ROR1: variants seen among roughly 807,000 people sequenced by gnomAD.
ROR1 encodes inactive tyrosine-protein kinase transmembrane receptor ROR1.
A neutral mutation model predicts 78.8 loss-of-function variants in ROR1; 19 were observed. The observed-to-expected ratio is 0.24, with a 90% CI of 0.17 to 0.35. The LOEUF is 0.35. ROR1 is among the 10% of genes least tolerant of loss of function. ROR1 has a pLI of 1.00. For missense variants in ROR1, 917 were observed against 1,177.8 expected (o/e 0.78, Z 3.24); for synonymous variants, 386 against 433.6 (o/e 0.89, Z 1.36).
intron 8 of ROR1, among the ~76,000 whole-genome samples, chr1:64,163,293 C>T (rs1300749452): frequency 6.6e-6 from 1 of 150,848 alleles, no homozygotes; most frequent in Non-Finnish European, 1.5e-5. Context: ...TGGTGCATCT[C>T]TATACTCAGA....
At chr1:64,152,608 C>T (rs905304337) in intron 7 of ROR1, among the ~76,000 whole-genome samples, 1 of 152,100 alleles carries the variant, frequency 6.6e-6, no homozygotes, top group East Asian at 1.9e-4. Context: ...GTAGATTTGT[C>T]TAATCATGGA....
chr1:63,868,328 C>A (rs570027464), intron 1 of ROR1, among the ~76,000 whole-genome samples: 18 of 152,044 alleles, frequency 1.2e-4, no homozygotes, highest in African/African-American at 4.3e-4. Context: ...AATGAGTGTG[C>A]GATGACTCAG....
chr1:63,983,731 T>C (rs1292102537), intron 1 of ROR1, among the ~76,000 whole-genome samples: 3 of 152,136 alleles, frequency 2.0e-5, no homozygotes, highest in Non-Finnish European at 4.4e-5. Context: ...CCTCATTCTT[T>C]AATATTGCGG....
chr1:63,855,463 C>T (rs1005029427), intron 1 of ROR1, among the ~76,000 whole-genome samples: 1 of 152,150 alleles, frequency 6.6e-6, no homozygotes, highest in Non-Finnish European at 1.5e-5. Context: ...AGTTGTTCCT[C>T]AACTCACTGA....
At chr1:63,956,438 A>G (rs1229265335) in intron 1 of ROR1, among the ~76,000 whole-genome samples, 1 of 152,190 alleles carries the variant, frequency 6.6e-6, no homozygotes, top group African/African-American at 2.4e-5. Flanking sequence ...GCTAACTCGT[A>G]GGGTCATTGA....
At chr1:63,881,426 A>G (rs999580321) in intron 1 of ROR1, among the ~76,000 whole-genome samples, 4 of 152,266 alleles carry the variant, frequency 2.6e-5, no homozygotes, top group African/African-American at 9.6e-5. Context: ...CCCGGCCACT[A>G]AGGCCCTGCA....
intron 1 of ROR1, among the ~76,000 whole-genome samples, chr1:63,901,104 C>T (rs1251868770): frequency 1.3e-5 from 2 of 152,098 alleles, no homozygotes; most frequent in African/African-American, 4.8e-5. Context: ...TTTCTGTCTC[C>T]CGGGACCTGG....
At chr1:64,071,262 T>C (rs1338990002) in intron 4 of ROR1, among the ~76,000 whole-genome samples, 3 of 152,052 alleles carry the variant, frequency 2.0e-5, no homozygotes, top group African/African-American at 7.2e-5. Context: ...TCATTTACAA[T>C]GGGAAGAGCA....
At chr1:63,840,856 G>GA (rs747981817) in intron 1 of ROR1, among the ~76,000 whole-genome samples, 14 of 152,092 alleles carry the variant, frequency 9.2e-5, no homozygotes, top group Non-Finnish European at 2.1e-4. Context: ...TAGAAAATGG[G>GA]AATAATACTA....
chr1:64,065,051 T>C (rs2100610123), intron 4 of ROR1, among the ~76,000 whole-genome samples: 1 of 152,234 alleles, frequency 6.6e-6, no homozygotes, highest in Non-Finnish European at 1.5e-5. Context: ...TAGACCTCAA[T>C]ATTTATGAAC....
chr1:64,051,234 G>A (rs1006547056), intron 4 of ROR1, among the ~76,000 whole-genome samples: 3 of 151,856 alleles, frequency 2.0e-5, no homozygotes, highest in Admixed American at 1.3e-4. Context: ...GGTGGATCAC[G>A]AGGTCAGGAG....
At chr1:64,116,938 A>C (rs1037574955) in intron 4 of ROR1, among the ~76,000 whole-genome samples, 15 of 152,206 alleles carry the variant, frequency 9.9e-5, no homozygotes, top group Admixed American at 3.3e-4. Flanking sequence ...ATGTTATTTC[A>C]ACATTTTATA....
chr1:64,145,103 G>C (rs181257488), intron 7 of ROR1, among the ~76,000 whole-genome samples: 1 of 152,018 alleles, frequency 6.6e-6, no homozygotes, highest in African/African-American at 2.4e-5. Context: ...AAGATAAATC[G>C]ATTCGAATTA....
intron 1 of ROR1, among the ~76,000 whole-genome samples, chr1:63,951,980 T>C (rs1056241848): frequency 2.0e-5 from 3 of 152,066 alleles, no homozygotes; most frequent in Admixed American, 1.3e-4. Context: ...GGCACTACTA[T>C]GAAAAAAATA....
At chr1:63,967,060 T>C (rs1050651440) in intron 1 of ROR1, among the ~76,000 whole-genome samples, 1 of 152,190 alleles carries the variant, frequency 6.6e-6, no homozygotes, top group East Asian at 1.9e-4. Flanking sequence ...AATTAGTTCT[T>C]AAGGGGACTT....
At chr1:64,161,644 A>G (rs1339275793) in intron 8 of ROR1, among the ~76,000 whole-genome samples, 1 of 152,196 alleles carries the variant, frequency 6.6e-6, no homozygotes, top group Non-Finnish European at 1.5e-5. Flanking sequence ...CATTGTTTTC[A>G]TAGTTTCTGG....
chr1:63,782,994 G>C (rs1644662359), intron 1 of ROR1, among the ~76,000 whole-genome samples: 1 of 152,124 alleles, frequency 6.6e-6, no homozygotes, highest in Non-Finnish European at 1.5e-5. Context: ...ATGGGAGATG[G>C]GAAGAGGAGT....
Position 63,774,026 on chromosome 1 carries a change from G to T in ROR1, c.-392G>T. 6.4e-6 allele frequency: 1 copy of T among 156,532 alleles called. No individual in the cohort carries two copies. The highest frequency in any genetic ancestry group is 1.9e-4 in the South Asian group (1 of 5,224). The allele number at this position is 156,532 out of a possible 1,614,324, so 9.7% of individuals were successfully genotyped here. A position where few individuals can be genotyped will look rare whatever the true frequency, so the allele number is the denominator to read the frequency against. ...GTTGGTGGAAAGTGACAAGTTGAGC[G>T]AGAGAGGGAGCGTGGAGAGCTGGAG... On this transcript the variant is annotated 5_prime_UTR_variant, in exon 1 of 9. Coordinates refer to ENST00000371079, the MANE Select transcript of ROR1 (RefSeq NM_005012.4). This position sits in a 1 kb window ranked among gnomAD's most constrained non-coding sequence, Gnocchi z 5.7.
Position 64,178,597 on chromosome 1 carries a change from G to A in ROR1, c.2556G>A (p.Lys852=). 1.2e-6 allele frequency: 2 copies of A among 1,614,128 alleles called. No homozygotes were observed. Among genetic ancestry groups the A allele is most frequent in the Non-Finnish European group, 1.7e-6 (2 of 1,180,024 alleles). The part of the protein sequence containing the change: ...PRVIQHCPPP[K]SRSPSSASGS... ...TGATTCAGCACTGCCCACCTCCCAAGAGTCGGTCCCCAAGCAGTGCCAGTG... is the reference window on the plus strand; with the variant it reads ...TGATTCAGCACTGCCCACCTCCCAAAAGTCGGTCCCCAAGCAGTGCCAGTG... The change falls in exon 9 of 9, where the codon AAG becomes AAA. Residue 852 remains lysine, a synonymous_variant. Coordinates refer to ENST00000371079, the MANE Select transcript of ROR1 (RefSeq NM_005012.4). The surrounding 1 kb of genome is among the most constrained non-coding windows in gnomAD (Gnocchi z 4.3).
Sources: gnomAD v4.1 joint callset for allele counts (sites outside exome capture counted in the v4.1 genomes callset) on GRCh38, gnomAD v4.1.1 for gene constraint, Gnocchi (gnomAD v3.1) non-coding constraint, MANE v1.5 for transcripts, NCBI Gene and HGNC (gene_info 2026-07-23, HGNC 2026-07-21) for gene names.